Variants in GEMIN7 observed in about 807,000 individuals in gnomAD.
GEMIN7 encodes the protein gem-associated protein 7.
In GEMIN7, 7 loss-of-function variants were observed where a neutral mutation model predicts 7.8. The observed-to-expected ratio is 0.90, with a 90% CI of 0.51 to 1.69. GEMIN7 has a LOEUF of 1.69. Among genes scored for constraint, GEMIN7 ranks in the 40% most tolerant of loss-of-function variants. The pLI, the probability that GEMIN7 is intolerant of heterozygous loss-of-function variation, is 0.00. For synonymous variants in GEMIN7, 68 were observed against 72.4 expected, an observed-to-expected ratio of 0.94 and a Z score of 0.31; for missense variants, 159 against 176.2, an observed-to-expected ratio of 0.90 and a Z score of 0.55.
chr19:45,080,758 G>GTTTTTTT (rs199542404), intron 2 of GEMIN7, among the ~76,000 whole-genome samples: 5 of 121,328 alleles, frequency 4.1e-5, no homozygotes, highest in Admixed American at 8.4e-5. Flanking sequence ...AATCTCCCTT[G>GTTTTTTT]TTTTTTGTTT....
Position 45,090,347 on chromosome 19 carries a change from T to A in GEMIN7, c.233T>A (p.Val78Glu). ...RSLLAMVGHQ[V>E]SFTLHEGVRV... ...CTGCTGGCCATGGTGGGTCATCAGGTGAGCTTCACGTTGCACGAGGGTGTG... is the reference window on the plus strand; with the variant it reads ...CTGCTGGCCATGGTGGGTCATCAGGAGAGCTTCACGTTGCACGAGGGTGTG... The change falls in exon 3 of 3, where the codon GTG (valine) becomes GAG (glutamate). Residue 78 changes from valine (V) to glutamate (E), a missense_variant. Physicochemically the swap from Val to Glu is moderately radical, Grantham distance 121 (BLOSUM62 -2). Transcript: ENST00000270257. 6.2e-7 allele frequency: 1 copy of A among 1,614,140 alleles called. No individual in the cohort carries two copies. Among genetic ancestry groups the A allele is most frequent in the Non-Finnish European group, 8.5e-7 (1 of 1,180,032 alleles).
At chr19:45,084,118 C>T (rs1000740619) in intron 2 of GEMIN7, among the ~76,000 whole-genome samples, 5 of 146,428 alleles carry the variant, frequency 3.4e-5, no homozygotes, top group Non-Finnish European at 5.9e-5. Context: ...GGCTGAGTGA[C>T]GAGAATCGCT....
chr19:45,077,726 T>C (rs1967383496), upstream of GEMIN7, among the ~76,000 whole-genome samples: 1 of 152,084 alleles, frequency 6.6e-6, no homozygotes, highest in Admixed American at 6.6e-5. Flanking sequence ...GCCTTGCAAA[T>C]TACACTCCAT....
upstream of GEMIN7, chr19:45,076,378 C>CGCGGGCCGGGCGAGCGAGCGG: frequency 7.6e-7 from 1 of 1,307,806 alleles, no homozygotes; most frequent in African/African-American, 1.5e-5. This position sits in a 1 kb window ranked among gnomAD's most constrained non-coding sequence, Gnocchi z 4.9. Flanking sequence ...GGACATGAGT[C>CGCGGGCCGGGCGAGCGAGCGG]GCGGGCCGGG....
upstream of GEMIN7, chr19:45,076,144 G>A (rs1334779463): frequency 3.2e-6 from 5 of 1,548,886 alleles, no homozygotes; most frequent in Admixed American, 2.2e-5. The surrounding 1 kb of genome is among the most constrained non-coding windows in gnomAD (Gnocchi z 4.9). Flanking sequence ...GAGGAGGGCG[G>A]CCCCGGCGGG....
At chr19:45,081,476 G>GA (rs1967501470) in intron 2 of GEMIN7, among the ~76,000 whole-genome samples, 1 of 147,550 alleles carries the variant, frequency 6.8e-6, no homozygotes, top group South Asian at 2.1e-4. Context: ...AAAAAAATTA[G>GA]AAAATGCAAC....
chr19:45,087,144 C>A (rs771007626), intron 2 of GEMIN7, among the ~76,000 whole-genome samples: 115 of 149,096 alleles, frequency 7.7e-4, no homozygotes, highest in Non-Finnish European at 1.5e-3. Flanking sequence ...CGCGCCCAGC[C>A]AATGTTTGTT....
chr19:45,077,594 C>T (rs959192272), upstream of GEMIN7, among the ~76,000 whole-genome samples: 8 of 152,168 alleles, frequency 5.3e-5, no homozygotes, highest in Admixed American at 5.2e-4. Flanking sequence ...AGCCCAGATG[C>T]TGATTTCAGA....
At chr19:45,086,680 A>T (rs1275943232) in intron 2 of GEMIN7, among the ~76,000 whole-genome samples, 1 of 152,144 alleles carries the variant, frequency 6.6e-6, no homozygotes. Flanking sequence ...TATTATGGAG[A>T]ACCTAGAATG....
chr19:45,083,788 G>A (rs77675453), intron 2 of GEMIN7, among the ~76,000 whole-genome samples: 8 of 150,790 alleles, frequency 5.3e-5, no homozygotes, highest in Non-Finnish European at 1.2e-4. Context: ...TTCTGGAGAC[G>A]AGATTTTGCT....
chr19:45,076,618 C>T (rs919268833), upstream of GEMIN7: 6 of 326,012 alleles, frequency 1.8e-5, no homozygotes, highest in Admixed American at 2.0e-4. The surrounding 1 kb of genome is among the most constrained non-coding windows in gnomAD (Gnocchi z 4.9). Flanking sequence ...GTGTCCCGTG[C>T]GTTTGGCTTA....
chr19:45,079,716 G>C (rs1967435181), intron 1 of GEMIN7, among the ~76,000 whole-genome samples, 191 bp from the exon 2 acceptor site: 2 of 152,198 alleles, frequency 1.3e-5, no homozygotes. Context: ...AGAGCAATGG[G>C]TGGTCAGGGC....
intron 2 of GEMIN7, among the ~76,000 whole-genome samples, chr19:45,084,080 G>A (rs1967594175): frequency 6.6e-6 from 1 of 151,646 alleles, no homozygotes; most frequent in South Asian, 2.1e-4. Flanking sequence ...GCGTGGTCGC[G>A]GGCACCTGTA....
chr19:45,084,226 A>G (rs1967601368), intron 2 of GEMIN7, among the ~76,000 whole-genome samples: 1 of 148,994 alleles, frequency 6.7e-6, no homozygotes, highest in Non-Finnish European at 1.5e-5. Context: ...AAAAAAAAAA[A>G]AAAAAAAGAA....
At chr19:45,089,028 G>T (rs775046270) in intron 2 of GEMIN7, among the ~76,000 whole-genome samples, 34 of 149,302 alleles carry the variant, frequency 2.3e-4, no homozygotes, top group Non-Finnish European at 3.4e-4. Context: ...TGCAGCCTCC[G>T]CCTTTTGGGT....
chr19:45,080,765 G>GTTTTTTT (rs57306662), intron 2 of GEMIN7, among the ~76,000 whole-genome samples: 6 of 135,650 alleles, frequency 4.4e-5, no homozygotes, highest in Admixed American at 7.5e-5. Flanking sequence ...CTTGTTTTTT[G>GTTTTTTT]TTTTTTTTTT....
upstream of GEMIN7, among the ~76,000 whole-genome samples, chr19:45,077,251 C>T (rs919303421): frequency 6.6e-6 from 1 of 152,166 alleles, no homozygotes; most frequent in African/African-American, 2.4e-5. Flanking sequence ...TTTCCTGAGA[C>T]CGGAGCCTTA....
intron 2 of GEMIN7, among the ~76,000 whole-genome samples, chr19:45,086,281 A>C (rs76353913): frequency 0.097 from 14,735 of 152,014 alleles, 773 homozygotes; most frequent in Middle Eastern, 0.18. Flanking sequence ...GAAAAAAAAG[A>C]AACAGGACAA....
chr19:45,076,302 C>T (rs2122639263), upstream of GEMIN7: 1 of 1,440,474 alleles, frequency 6.9e-7, no homozygotes, highest in Non-Finnish European at 9.1e-7. This position sits in a 1 kb window ranked among gnomAD's most constrained non-coding sequence, Gnocchi z 4.9. Flanking sequence ...GCATTTCCAT[C>T]TCGTCGTCTG....
Sources: gnomAD v4.1 joint callset for allele counts (sites outside exome capture counted in the v4.1 genomes callset) on GRCh38, gnomAD v4.1.1 for gene constraint, Gnocchi (gnomAD v3.1) non-coding constraint, MANE v1.5 for transcripts, NCBI Gene and HGNC (gene_info 2026-07-23, HGNC 2026-07-21) for gene names.